JMJD1C: variants seen among roughly 807,000 people sequenced by gnomAD.
The protein encoded by JMJD1C is jumonji domain containing 1C.
JMJD1C carries 31 observed loss-of-function variants against 245.3 expected under a neutral mutation model. The observed-to-expected ratio is 0.13, with a 90% confidence interval of 0.09 to 0.17. JMJD1C has a LOEUF of 0.17. Among genes scored for constraint, JMJD1C ranks in the 10% least tolerant of loss-of-function variants. The pLI is 1.00. For missense variants in JMJD1C, 2,691 were observed against 3,000.2 expected, an observed-to-expected ratio of 0.90 and a Z score of 2.41; for synonymous variants, 1,057 against 1,017.4, an observed-to-expected ratio of 1.04 and a Z score of -0.74.
intron 2 of JMJD1C, among the ~76,000 whole-genome samples, chr10:63,337,295 A>G (rs1942837041): frequency 6.6e-6 from 1 of 150,966 alleles, no homozygotes; most frequent in African/African-American, 2.4e-5. Context: ...TATAAAAATT[A>G]GCCGGGCGTG....
intron 24 of JMJD1C, among the ~76,000 whole-genome samples, chr10:63,172,030 C>A (rs926476572): frequency 1.3e-5 from 2 of 152,134 alleles, no homozygotes; most frequent in African/African-American, 4.8e-5. Flanking sequence ...TGTCATTACA[C>A]CCCACAGGAG....
intron 2 of JMJD1C, among the ~76,000 whole-genome samples, chr10:63,317,793 T>C (rs777800067): frequency 1.3e-5 from 2 of 152,190 alleles, no homozygotes; most frequent in Non-Finnish European, 2.9e-5. Context: ...CCATCTATTC[T>C]ATCTGTGCTT....
chr10:63,436,004 A>C (rs1428232132), intron 1 of JMJD1C, among the ~76,000 whole-genome samples: 1 of 152,148 alleles, frequency 6.6e-6, no homozygotes, highest in African/African-American at 2.4e-5. Context: ...GAAAGGCAAA[A>C]CCCTGAGATA....
intron 1 of JMJD1C, among the ~76,000 whole-genome samples, chr10:63,449,340 G>C (rs1161069554): frequency 6.6e-6 from 1 of 151,968 alleles, no homozygotes; most frequent in Non-Finnish European, 1.5e-5. Flanking sequence ...CAAAAGACAT[G>C]ATAAGGAAAT....
intron 1 of JMJD1C, among the ~76,000 whole-genome samples, chr10:63,489,959 A>G (rs1262393753): frequency 2.6e-5 from 4 of 152,216 alleles, no homozygotes; most frequent in Admixed American, 2.6e-4. Context: ...CTCCTGTCAA[A>G]TCAGCAGCTG....
intron 3 of JMJD1C, among the ~76,000 whole-genome samples, chr10:63,221,067 A>C (rs1051373876): frequency 6.7e-6 from 1 of 149,944 alleles, no homozygotes; most frequent in Non-Finnish European, 1.5e-5. Flanking sequence ...CCGAGATCAC[A>C]CCACTGCACT....
chr10:63,347,844 G>A (rs1943990238), intron 2 of JMJD1C, among the ~76,000 whole-genome samples: 2 of 152,082 alleles, frequency 1.3e-5, no homozygotes, highest in Non-Finnish European at 2.9e-5. Context: ...AACCCAGGGG[G>A]TGGAAGTTGC....
In JMJD1C at chr10:63,207,849, C is replaced by T. The variant is rs2133154878; in HGVS notation, c.3820G>A (p.Glu1274Lys). 6.2e-7 allele frequency: 1 copy of T among 1,614,054 alleles called. No individual in the cohort carries two copies. The highest frequency in any genetic ancestry group is 2.2e-5 in the East Asian group (1 of 44,902). Residue 1274 changes from glutamate to lysine, a missense_variant, in exon 10 of 26, where the codon GAG becomes AAG. Transcript: ENST00000399262. ...AGGTTATTATTAGGTCTCCACATCT[C>T]CGTCAAACTCTGTTCTGAAGAACTC... Reference protein sequence around the residue: ...FKSSSEQSLTEMWRPNNNLSK... With the variant: ...FKSSSEQSLTKMWRPNNNLSK...
chr10:63,312,887 C>T (rs1373785784), intron 2 of JMJD1C, among the ~76,000 whole-genome samples: 4 of 152,170 alleles, frequency 2.6e-5, no homozygotes, highest in Admixed American at 6.5e-5. Flanking sequence ...ACCGTGGCCA[C>T]CCTAATTTTA....
intron 2 of JMJD1C, among the ~76,000 whole-genome samples, chr10:63,328,716 T>C (rs1475332731): frequency 6.6e-6 from 1 of 152,256 alleles, no homozygotes; most frequent in Non-Finnish European, 1.5e-5. Flanking sequence ...GTATTCCAAC[T>C]TAAATACCTG....
At chr10:63,443,579 T>C (rs1330267504) in intron 1 of JMJD1C, among the ~76,000 whole-genome samples, 1 of 152,224 alleles carries the variant, frequency 6.6e-6, no homozygotes, top group African/African-American at 2.4e-5. Flanking sequence ...CCCAAAGTAC[T>C]GGGATTACAG....
chr10:63,375,535 C>CGTACGT, intron 2 of JMJD1C, among the ~76,000 whole-genome samples: 2 of 147,474 alleles, frequency 1.4e-5, no homozygotes, highest in South Asian at 4.4e-4. Flanking sequence ...AATATTTACA[C>CGTACGT]GTGTGTGTGT....
At chr10:63,309,774 G>C (rs1938891684) in intron 2 of JMJD1C, among the ~76,000 whole-genome samples, 1 of 151,952 alleles carries the variant, frequency 6.6e-6, no homozygotes, top group African/African-American at 2.4e-5. Flanking sequence ...AAAATTAGCT[G>C]GGTGTGGTGG....
chr10:63,375,179 T>C (rs927786389), intron 2 of JMJD1C, among the ~76,000 whole-genome samples: 2 of 120,476 alleles, frequency 1.7e-5, no homozygotes, highest in African/African-American at 2.8e-5. Flanking sequence ...CACATAAAAA[T>C]TGGCTTTTTT....
intron 3 of JMJD1C, among the ~76,000 whole-genome samples, chr10:63,242,712 C>T (rs1443626790): frequency 3.9e-5 from 6 of 152,012 alleles, no homozygotes; most frequent in Non-Finnish European, 5.9e-5. Context: ...GGCAACAGAG[C>T]GAGACTCTGT....
chr10:63,285,070 C>G (rs1433956269), intron 2 of JMJD1C, among the ~76,000 whole-genome samples: 1 of 152,216 alleles, frequency 6.6e-6, no homozygotes, highest in Non-Finnish European at 1.5e-5. Flanking sequence ...TCCTCACGGA[C>G]AGTGACCCTA....
At chr10:63,293,059 A>AGTT (rs1858968688) in intron 2 of JMJD1C, among the ~76,000 whole-genome samples, 1 of 152,146 alleles carries the variant, frequency 6.6e-6, no homozygotes, top group Non-Finnish European at 1.5e-5. Flanking sequence ...ACAAACAAAC[A>AGTT]AAACAAACAA....
In JMJD1C at chr10:63,264,269, G is replaced by A. The variant is rs539400015; in HGVS notation, c.447+382C>T. Among the ~76,000 whole-genome samples, 38 of 151,784 alleles carry A rather than the reference G, an allele frequency of 2.5e-4. No individual in the cohort carries two copies. The South Asian group carries it at 7.3e-3, about 29-fold the overall frequency. On this transcript the variant is annotated intron_variant, in intron 3 of 25. Transcript: ENST00000399262. ...AAGAACTATTATGCTAAACTGATAG[G>A]TATACATAAACACTAATCTCATTTA... is the stretch of plus-strand genomic sequence containing the variant.
intron 2 of JMJD1C, among the ~76,000 whole-genome samples, chr10:63,359,708 CA>C (rs1391117049): frequency 6.6e-6 from 1 of 152,076 alleles, no homozygotes; most frequent in Non-Finnish European, 1.5e-5. Context: ...TTCATGAAAT[CA>C]TTTTATCAGA....
Sources: gnomAD v4.1 joint callset for allele counts (sites outside exome capture counted in the v4.1 genomes callset) on GRCh38, gnomAD v4.1.1 for gene constraint, MANE v1.5 for transcripts, NCBI Gene and HGNC (gene_info 2026-07-23, HGNC 2026-07-21) for gene names.